Variants in SLC34A2 observed in about 807,000 individuals in gnomAD.
The protein encoded by SLC34A2 is solute carrier family 34 member 2, also known as sodium-dependent phosphate transport protein 2B.
SLC34A2 carries 41 observed loss-of-function variants against 50.8 expected under a neutral mutation model. The observed-to-expected ratio is 0.81, with a 90% confidence interval of 0.63 to 1.05. The LOEUF (loss-of-function observed/expected upper bound fraction) is 1.05. Among genes scored for constraint, SLC34A2 ranks in the 50% least tolerant of loss-of-function variants. The probability of loss-of-function intolerance (pLI) is 0.00; values close to 1 mark genes in which losing one functional copy is unlikely to be tolerated. For synonymous variants in SLC34A2, 401 were observed against 364.2 expected, an observed-to-expected ratio of 1.10 and a Z score of -1.15; for missense variants, 879 against 876.7, an observed-to-expected ratio of 1.00 and a Z score of -0.03.
Position 25,676,362 on chromosome 4 carries a change from C to T in SLC34A2, c.1686C>T (p.Val562=), listed in dbSNP as rs114501307. ...WRVLVGVGVP[V]VFIIILVLCL... ...TGCTGGTTGGTGTCGGGGTTCCCGT[C>T]GTCTTCATCATCATCCTGGTACTGT... The change falls in exon 13 of 13, where the codon GTC becomes GTT. Residue 562 remains valine, a synonymous_variant. Transcript: ENST00000382051. 3.0e-5 allele frequency: 48 copies of T among 1,614,198 alleles called. No homozygotes were observed. The East Asian group carries it at 9.8e-4, about 33-fold the overall frequency.
At position 25,662,821 on chromosome 4, in the gene SLC34A2, G is replaced by A. The variant is rs761055208; in HGVS notation, c.229G>A (p.Asp77Asn). The A allele has an allele frequency of 1.2e-6, 2 of 1,613,988 alleles. No homozygotes were observed. Among genetic ancestry groups the A allele is most frequent in the Admixed American group, 1.7e-5 (1 of 59,998 alleles). ...CCCCTGGAACCTACCCACTCTTCAG[G>A]ACTCGGGGATCAAGTGGTCAGGTAA... ...DDPWNLPTLQ[D>N]SGIKWSERDT... is the part of the protein sequence containing the mutation. The change falls in exon 3 of 13, where the codon GAC becomes AAC. Residue 77 changes from aspartate to asparagine, a missense_variant. Transcript: ENST00000382051.
intron 12 of SLC34A2, 149 bp from the exon 13 acceptor site, chr4:25,675,986 T>C: frequency 7.7e-7 from 1 of 1,299,148 alleles, no homozygotes; most frequent in Admixed American, 2.0e-5. Flanking sequence ...CCAGGTACCC[T>C]CTGGGCTGAG....
chr4:25,668,943 A>G (rs369888509), intron 6 of SLC34A2, among the ~76,000 whole-genome samples: 5 of 147,656 alleles, frequency 3.4e-5, no homozygotes, highest in Admixed American at 6.8e-5. Flanking sequence ...CATTGAAGAC[A>G]TAAAAATCCA....
intron 1 of SLC34A2, among the ~76,000 whole-genome samples, chr4:25,661,451 G>C (rs760699734): frequency 6.6e-6 from 1 of 152,148 alleles, no homozygotes; most frequent in African/African-American, 2.4e-5. Context: ...ACAGTGGCAT[G>C]ATCTCAGTTC....
chr4:25,657,140 TC>T (rs1469269713), intron 1 of SLC34A2, among the ~76,000 whole-genome samples: 2 of 152,144 alleles, frequency 1.3e-5, no homozygotes, highest in Admixed American at 1.3e-4. Context: ...CATCCAAAAC[TC>T]CCCAAATTGC....
intron 5 of SLC34A2, among the ~76,000 whole-genome samples, chr4:25,666,545 A>G (rs1714512964): frequency 6.6e-6 from 1 of 152,228 alleles, no homozygotes. Flanking sequence ...GCCACTAGCC[A>G]CATGTGGCAG....
chr4:25,659,777 A>G (rs574166171), intron 1 of SLC34A2, among the ~76,000 whole-genome samples: 3 of 152,174 alleles, frequency 2.0e-5, no homozygotes, highest in Non-Finnish European at 4.4e-5. Flanking sequence ...CTCTCCAGGT[A>G]TCACTGAGCC....
chr4:25,674,538 C>T lies in SLC34A2; in HGVS notation c.1367C>T (p.Pro456Leu). 6.2e-7 allele frequency: 1 copy of T among 1,614,188 alleles called. No individual in the cohort carries two copies. The highest frequency in any genetic ancestry group is 2.2e-5 in the East Asian group (1 of 44,876). ...GTGATAACCATTGAGAGGGCTTATCCACTCACGCTGGGCTCCAACATCGGC... is the reference window on the plus strand; with the variant it reads ...GTGATAACCATTGAGAGGGCTTATCTACTCACGCTGGGCTCCAACATCGGC... ...IGVITIERAY[P>L]LTLGSNIGTT... The change falls in exon 12 of 13, where the codon CCA (proline) becomes CTA (leucine). Residue 456 changes from proline to leucine, a missense_variant. Physicochemically the swap from Pro to Leu is moderately conservative, Grantham distance 98. Coordinates refer to ENST00000382051, the MANE Select transcript of SLC34A2 (RefSeq NM_006424.3).
At position 25,662,656 on chromosome 4, in the gene SLC34A2, C is replaced by G. The variant is rs1294565646; in HGVS notation, c.112+44C>G. 3 of 1,613,958 alleles carry G rather than the reference C, an allele frequency of 1.9e-6. 1 individual carries two copies. ...TCTGCAGATCGGCCTTTGTGAGGAC[C>G]CCAGGAGACTCAGGTCTGATTCCTC... On this transcript the variant is annotated intron_variant, in intron 2 of 12. Coordinates refer to ENST00000382051, the MANE Select transcript of SLC34A2 (RefSeq NM_006424.3).
intron 1 of SLC34A2, among the ~76,000 whole-genome samples, chr4:25,657,733 A>G (rs984809807): frequency 5.9e-5 from 9 of 152,176 alleles, no homozygotes; most frequent in African/African-American, 1.7e-4. Context: ...TCTCATCACT[A>G]CCACCATTGT....
Position 25,676,221 on chromosome 4 carries a change from C to G in SLC34A2, c.1545C>G (p.Ala515=), listed in dbSNP as rs1475778044. Residue 515 remains alanine, a synonymous_variant, in exon 13 of 13, where the codon GCC becomes GCG. Coordinates refer to ENST00000382051, the MANE Select transcript of SLC34A2 (RefSeq NM_006424.3). ...TCACTCGCCTGCCCATCCGCATGGC[C>G]AAGGGGCTGGGCAACATCTCTGCCA... The part of the protein sequence containing the change: ...IPFTRLPIRM[A]KGLGNISAKY... 2 of 1,614,100 alleles carry G rather than the reference C, an allele frequency of 1.2e-6. No homozygotes were observed. The highest frequency in any genetic ancestry group is 2.7e-5 in the African/African-American group (2 of 74,924).
At chr4:25,656,686 T>G (rs1713898754) in intron 1 of SLC34A2, 2 of 152,282 alleles carry the variant, frequency 1.3e-5, no homozygotes, top group Admixed American at 6.5e-5. Flanking sequence ...TCAGGTTCCC[T>G]GCAACGGTGC....
At position 25,678,320 on chromosome 4, in the gene SLC34A2, T is replaced by C. The variant is rs1351906124; in HGVS notation, c.*1571T>C. 4 of 154,586 alleles carry C rather than the reference T, an allele frequency of 2.6e-5. No homozygotes were observed. Among genetic ancestry groups the C allele is most frequent in the African/African-American group, 9.7e-5 (4 of 41,110 alleles). 9.6% of individuals were successfully genotyped at this position (154,586 alleles called of 1,614,324 possible). On this transcript the variant is annotated 3_prime_UTR_variant, in exon 13 of 13. Coordinates refer to ENST00000382051, the MANE Select transcript of SLC34A2 (RefSeq NM_006424.3). ...TGTACAGCATTTTTCATAAGTTATATAGTAAATGGTCTGCATGATTTGTGC... is the reference window on the plus strand; with the variant it reads ...TGTACAGCATTTTTCATAAGTTATACAGTAAATGGTCTGCATGATTTGTGC...
chr4:25,675,121 T>C (rs963591642), intron 12 of SLC34A2, among the ~76,000 whole-genome samples: 19 of 151,970 alleles, frequency 1.3e-4, no homozygotes, highest in Non-Finnish European at 1.9e-4. Context: ...AACCTCCACC[T>C]CCCAGGTTCA....
At chr4:25,668,431 T>C (rs1294216596) in intron 6 of SLC34A2, among the ~76,000 whole-genome samples, 2 of 152,164 alleles carry the variant, frequency 1.3e-5, no homozygotes, top group East Asian at 1.9e-4. Flanking sequence ...GGCGGGTGGA[T>C]CGCCTGAGGT....
chr4:25,663,629 T>G, intron 3 of SLC34A2, among the ~76,000 whole-genome samples: 2 of 148,840 alleles, frequency 1.3e-5, no homozygotes, highest in African/African-American at 2.5e-5. Flanking sequence ...GGGTGTGGGG[T>G]GGGGAGGAGA....
rs759076800 is a variant in SLC34A2, at chr4:25,667,965, G to A, written c.609G>A (p.Gln203=). 1.9e-6 allele frequency: 3 copies of A among 1,613,394 alleles called. No individual in the cohort carries two copies. The highest frequency in any genetic ancestry group is 2.5e-6 in the Non-Finnish European group (3 of 1,179,344). The change falls in exon 6 of 13, where the codon CAG becomes CAA. Residue 203 remains glutamine (Q), a synonymous_variant. Coordinates refer to ENST00000382051, the MANE Select transcript of SLC34A2 (RefSeq NM_006424.3). ...SITNTIVALM[Q]VGDRSEFRRA... is the part of the protein sequence containing the mutation. Reference sequence around the variant, plus strand: ...CCAACACTATTGTTGCGCTCATGCAGGTGGGAGATCGGAGTGAGTTCAGAA... The same window carrying A: ...CCAACACTATTGTTGCGCTCATGCAAGTGGGAGATCGGAGTGAGTTCAGAA...
At position 25,666,196 on chromosome 4, in the gene SLC34A2, G is replaced by C. The variant is rs373310948; in HGVS notation, c.448G>C (p.Gly150Arg). 3 of 1,613,956 alleles carry C rather than the reference G, an allele frequency of 1.9e-6. No homozygotes were observed. Among genetic ancestry groups the C allele is most frequent in the Non-Finnish European group, 2.5e-6 (3 of 1,179,980 alleles). Residue 150 changes from glycine (G) to arginine (R), a missense_variant, in exon 5 of 13, where the codon GGG becomes CGG. Physicochemically the swap from Gly to Arg is moderately radical, Grantham distance 125. Transcript: ENST00000382051. ...MSNPLLGLVI[G>R]VLVTVLVQSS... ...CAACCCTTTGTTGGGGCTGGTGATC[G>C]GGGTGCTGGTGACCGTCTTGGTGCA...
At chr4:25,657,590 A>T (rs557221782) in intron 1 of SLC34A2, among the ~76,000 whole-genome samples, 1 of 152,262 alleles carries the variant, frequency 6.6e-6, no homozygotes, top group African/African-American at 2.4e-5. Flanking sequence ...CATAAATACA[A>T]ATTGATAGTG....
Sources: allele counts gnomAD v4.1 joint callset (sites outside exome capture counted in the v4.1 genomes callset), GRCh38; gene constraint gnomAD v4.1.1; transcripts MANE v1.5; gene names NCBI Gene and HGNC (gene_info 2026-07-23, HGNC 2026-07-21).